FSD1L: variants seen among roughly 807,000 people sequenced by gnomAD.
The protein encoded by FSD1L is FSD1-like protein.
FSD1L carries 45 observed loss-of-function variants against 71.6 expected under a neutral mutation model. The ratio of observed to expected loss-of-function variants is 0.63; its 90% CI spans 0.49 to 0.81. The LOEUF (loss-of-function observed/expected upper bound fraction) is 0.81, where lower values mean the gene tolerates loss of function less well. Among genes scored for constraint, FSD1L ranks in the 30% least tolerant of loss-of-function variants. The pLI, the probability that FSD1L is intolerant of heterozygous loss-of-function variation, is 0.00. For synonymous variants in FSD1L, 197 were observed against 207.2 expected (o/e 0.95, Z 0.42); for missense variants, 561 against 618.1 (o/e 0.91, Z 0.98).
chr9:105,545,436 T>C lies in FSD1L; in HGVS notation c.1468-922T>C, dbSNP rs7047201. 1.3e-4 allele frequency among the ~76,000 whole-genome samples: 18 copies of C among 141,964 alleles called. 1 individual carries two copies. Among genetic ancestry groups the C allele is most frequent in the Admixed American group, 1.4e-4 (2 of 14,378 alleles). The allele number at this position is 141,964 out of a possible 152,430, so 93.1% of individuals were successfully genotyped here. ...TTATTTCTTTCTCCTGCCTGATTGC[T>C]CTGGCCAGAACTTCCAACACTATGT... On this transcript the variant is annotated intron_variant, in intron 13 of 13. Coordinates refer to ENST00000481272, the MANE Select transcript of FSD1L (RefSeq NM_001145313.3).
At chr9:105,449,240 GAAT>G (rs1588896417) in intron 1 of FSD1L, among the ~76,000 whole-genome samples, 1 of 152,156 alleles carries the variant, frequency 6.6e-6, no homozygotes, top group African/African-American at 2.4e-5. Context: ...GGGCATGAGA[GAAT>G]AATGATGTGT....
intron 7 of FSD1L, among the ~76,000 whole-genome samples, chr9:105,494,249 T>C (rs1833181286): frequency 6.6e-6 from 1 of 152,070 alleles, no homozygotes; most frequent in African/African-American, 2.4e-5. Flanking sequence ...ATTTCATTCA[T>C]TTCATCTTCC....
chr9:105,534,830 G>C (rs1427783747), intron 11 of FSD1L, among the ~76,000 whole-genome samples: 6 of 152,116 alleles, frequency 3.9e-5, no homozygotes, highest in Non-Finnish European at 7.4e-5. Context: ...AAGCCGGGAG[G>C]GGGGATAGTA....
At chr9:105,487,185 C>G (rs926397114) in intron 7 of FSD1L, among the ~76,000 whole-genome samples, 2 of 151,808 alleles carry the variant, frequency 1.3e-5, no homozygotes, top group African/African-American at 4.8e-5. Flanking sequence ...GTAATTAGTT[C>G]TTGATGAGTA....
chr9:105,485,587 A>G (rs892073501), intron 7 of FSD1L, among the ~76,000 whole-genome samples: 1 of 102,072 alleles, frequency 9.8e-6, no homozygotes, highest in Non-Finnish European at 1.8e-5. Flanking sequence ...AAAACTATTT[A>G]GATATGGTGA....
intron 7 of FSD1L, among the ~76,000 whole-genome samples, chr9:105,498,810 G>C (rs1422252642): frequency 6.6e-6 from 1 of 152,144 alleles, no homozygotes; most frequent in East Asian, 1.9e-4. Context: ...TTTTAGTAGA[G>C]ATGGGGTTTC....
At position 105,534,508 on chromosome 9, in the gene FSD1L, C is replaced by T. The variant is rs1836136787; in HGVS notation, c.1041C>T (p.Ser347=). ...KENKGRSGTP[S]PKRTSVGSRP... is the part of the protein sequence containing the mutation. ...GTTTATATAGAAGTGGTACACCATC[C>T]CCAAAACGAACATCTGTAGGCTCCA... The change falls in exon 11 of 14, where the codon TCC becomes TCT. Residue 347 remains serine (S), a synonymous_variant. Transcript: ENST00000481272. 1.3e-6 allele frequency: 2 copies of T among 1,545,584 alleles called. No individual in the cohort carries two copies. Among genetic ancestry groups the T allele is most frequent in the African/African-American group, 2.7e-5 (2 of 72,882 alleles).
intron 1 of FSD1L, among the ~76,000 whole-genome samples, chr9:105,460,109 A>C (rs1830592600): frequency 6.6e-6 from 1 of 152,142 alleles, no homozygotes. Context: ...CTTTCTGGGG[A>C]AGTACAGTAT....
At chr9:105,526,428 A>G in intron 10 of FSD1L, 1 of 1,613,208 alleles carries the variant, frequency 6.2e-7, no homozygotes, top group Non-Finnish European at 8.5e-7. Context: ...ACAGCAGCGC[A>G]GGTAGATGGG....
chr9:105,532,705 T>C (rs1266530458), intron 10 of FSD1L, among the ~76,000 whole-genome samples: 2 of 152,232 alleles, frequency 1.3e-5, no homozygotes, highest in Non-Finnish European at 2.9e-5. Flanking sequence ...ACAGAACTTA[T>C]AGTCAGTTTT....
chr9:105,517,598 G>A (rs1047786288), intron 10 of FSD1L, among the ~76,000 whole-genome samples: 3 of 152,192 alleles, frequency 2.0e-5, no homozygotes, highest in African/African-American at 7.2e-5. Context: ...ATCCTTTACA[G>A]ACAAGCAAAT....
At chr9:105,514,817 C>T (rs1019364517) in intron 10 of FSD1L, among the ~76,000 whole-genome samples, 2 of 152,032 alleles carry the variant, frequency 1.3e-5, no homozygotes, top group Non-Finnish European at 2.9e-5. Flanking sequence ...CCAGCAAGCC[C>T]CAAACAAAAA....
chr9:105,512,355 TTATTAAA>T (rs1475301712), intron 9 of FSD1L, among the ~76,000 whole-genome samples: 2 of 152,092 alleles, frequency 1.3e-5, no homozygotes, highest in African/African-American at 4.8e-5. Context: ...AGGTATGAAA[TTATTAAA>T]TATTAGAGTA....
chr9:105,454,878 A>T (rs1460801673), intron 1 of FSD1L, among the ~76,000 whole-genome samples: 1 of 152,212 alleles, frequency 6.6e-6, no homozygotes, highest in African/African-American at 2.4e-5. Flanking sequence ...AGGCTGTCTC[A>T]GTTACATCTG....
intron 6 of FSD1L, among the ~76,000 whole-genome samples, chr9:105,482,850 T>G (rs1832301010): frequency 6.6e-6 from 1 of 152,208 alleles, no homozygotes; most frequent in South Asian, 2.1e-4. Flanking sequence ...CTAAAATACT[T>G]TCGGATTTTT....
chr9:105,508,166 A>G (rs547000256), intron 8 of FSD1L, among the ~76,000 whole-genome samples: 12 of 137,414 alleles, frequency 8.7e-5, no homozygotes, highest in Admixed American at 8.3e-4. Flanking sequence ...GCCCGACCAC[A>G]TATCACTCTT....
chr9:105,453,044 GTTTTTT>G (rs774826229), intron 1 of FSD1L, among the ~76,000 whole-genome samples: 3 of 88,240 alleles, frequency 3.4e-5, no homozygotes, highest in Middle Eastern at 6.8e-3. Context: ...ACCTAAAGTT[GTTTTTT>G]TTTTTTTTTT....
At chr9:105,540,689 T>G (rs1302449770) in intron 13 of FSD1L, among the ~76,000 whole-genome samples, 1 of 152,138 alleles carries the variant, frequency 6.6e-6, no homozygotes, top group East Asian at 1.9e-4. Flanking sequence ...GTCATCTTTG[T>G]ACAAAATATT....
At chr9:105,483,760 C>T (rs115212062) in intron 6 of FSD1L, among the ~76,000 whole-genome samples, 2,387 of 152,142 alleles carry the variant, frequency 0.016, 88 homozygotes, top group African/African-American at 0.054. Context: ...CTGTTTCTTA[C>T]AGTAGGCTTC....
Sources: allele counts gnomAD v4.1 joint callset (sites outside exome capture counted in the v4.1 genomes callset), GRCh38; gene constraint gnomAD v4.1.1; transcripts MANE v1.5; gene names NCBI Gene and HGNC (gene_info 2026-07-23, HGNC 2026-07-21).